The following SDCCAG8 variants were observed in gnomAD, a reference collection of about 807,000 sequenced individuals.
SDCCAG8 encodes the protein serologically defined colon cancer antigen 8.
A neutral mutation model predicts 101.8 loss-of-function variants in SDCCAG8; 74 were observed. The observed-to-expected ratio is 0.73, with a 90% CI of 0.60 to 0.88. The LOEUF is 0.88. SDCCAG8 is among the 40% of genes least tolerant of loss of function. The pLI is 0.00. For synonymous variants in SDCCAG8, 281 were observed against 292.9 expected (o/e 0.96, Z 0.41); for missense variants, 787 against 822.6 (o/e 0.96, Z 0.53).
chr1:243,499,154 C>T (rs3006935), intron 17 of SDCCAG8, among the ~76,000 whole-genome samples: 6,944 of 152,302 alleles, frequency 0.046, 547 homozygotes, highest in African/African-American at 0.16. Context: ...CCAACCTGAT[C>T]TGCATGAAGC....
intron 13 of SDCCAG8, among the ~76,000 whole-genome samples, chr1:243,394,180 A>G (rs754491020): frequency 2.0e-5 from 3 of 152,098 alleles, no homozygotes; most frequent in Non-Finnish European, 4.4e-5. Context: ...ACTTGGCTCA[A>G]TTTATTCATT....
rs375209671 is a variant in SDCCAG8, at chr1:243,381,898, C to T, written c.1616+3035C>T. Among the ~76,000 whole-genome samples, 3 of 152,108 alleles carry T rather than the reference C, an allele frequency of 2.0e-5. No individual in the cohort carries two copies. The East Asian group carries it at 5.8e-4, about 29-fold the overall frequency. ...GCCCATTCTACACCATAGGTGAAGG[C>T]GATAGTCAAAGAAAGCTGATATCAG... is the stretch of plus-strand genomic sequence containing the variant. On this transcript the variant is annotated intron_variant, in intron 13 of 17. Transcript: ENST00000366541.
intron 3 of SDCCAG8, among the ~76,000 whole-genome samples, chr1:243,272,072 A>C (rs767859779): frequency 1.3e-5 from 2 of 152,204 alleles, no homozygotes; most frequent in Non-Finnish European, 2.9e-5. Flanking sequence ...TCAAGGGCTT[A>C]GTTCTATCTA....
At chr1:243,307,081 A>G (rs1340174486) in intron 7 of SDCCAG8, among the ~76,000 whole-genome samples, 1 of 146,518 alleles carries the variant, frequency 6.8e-6, no homozygotes, top group Non-Finnish European at 1.5e-5. Flanking sequence ...TTTTTGAAGT[A>G]CAAAAGAACC....
At chr1:243,334,713 C>T (rs2074875443) in intron 10 of SDCCAG8, among the ~76,000 whole-genome samples, 1 of 152,132 alleles carries the variant, frequency 6.6e-6, no homozygotes, top group East Asian at 1.9e-4. Flanking sequence ...ACCTCAGCTT[C>T]CCAGGTAGCT....
intron 13 of SDCCAG8, among the ~76,000 whole-genome samples, chr1:243,389,869 T>A (rs771888175): frequency 4.6e-5 from 7 of 152,166 alleles, no homozygotes; most frequent in Non-Finnish European, 8.8e-5. Flanking sequence ...ACACTTTTGG[T>A]GTTGTAAAAT....
intron 1 of SDCCAG8, among the ~76,000 whole-genome samples, chr1:243,262,659 A>C (rs1214846986): frequency 6.6e-6 from 1 of 152,226 alleles, no homozygotes; most frequent in Non-Finnish European, 1.5e-5. Flanking sequence ...ATAGGTATAG[A>C]GTAAGTTTTT....
intron 12 of SDCCAG8, among the ~76,000 whole-genome samples, chr1:243,376,057 G>C (rs1256565731): frequency 6.6e-6 from 1 of 152,126 alleles, no homozygotes; most frequent in African/African-American, 2.4e-5. Flanking sequence ...GTTTTATTCA[G>C]TTTTCACCAA....
At chr1:243,294,708 C>CCCA (rs2070691257) in intron 6 of SDCCAG8, among the ~76,000 whole-genome samples, 2 of 138,530 alleles carry the variant, frequency 1.4e-5, no homozygotes, top group South Asian at 4.5e-4. Flanking sequence ...CCCCCCCCCC[C>CCCA]CACAGCTGCC....
At chr1:243,400,967 T>C (rs1356557772) in intron 13 of SDCCAG8, among the ~76,000 whole-genome samples, 1 of 152,196 alleles carries the variant, frequency 6.6e-6, no homozygotes, top group African/African-American at 2.4e-5. Context: ...TAGGAAGAAA[T>C]GGAGCAACTC....
At chr1:243,428,501 A>C (rs1393903373) in intron 16 of SDCCAG8, among the ~76,000 whole-genome samples, 1 of 152,190 alleles carries the variant, frequency 6.6e-6, no homozygotes, top group African/African-American at 2.4e-5. Flanking sequence ...CTTCTCAATA[A>C]ATTTATTGGA....
intron 12 of SDCCAG8, among the ~76,000 whole-genome samples, chr1:243,356,467 G>C (rs2076391073): frequency 6.6e-6 from 1 of 151,804 alleles, no homozygotes; most frequent in Non-Finnish European, 1.5e-5. Flanking sequence ...AAAGACTTTA[G>C]AGGAAGACAT....
Position 243,415,813 on chromosome 1 carries a change from C to T in SDCCAG8, c.1728C>T (p.Ala576=), listed in dbSNP as rs1170843110. The T allele has an allele frequency of 6.2e-7, 1 of 1,613,478 alleles. No homozygotes were observed. The highest frequency in any genetic ancestry group is 2.2e-5 in the East Asian group (1 of 44,862). ...ELTQKIQQME[A]QHDKTENEQY... is the part of the protein sequence containing the mutation. Reference sequence around the variant, plus strand: ...CACAGAAGATACAGCAAATGGAGGCCCAGCATGACAAAACTGGTAGGTGGT... The same window carrying T: ...CACAGAAGATACAGCAAATGGAGGCTCAGCATGACAAAACTGGTAGGTGGT... Residue 576 remains alanine, a synonymous_variant, in exon 14 of 18, where the codon GCC becomes GCT. Transcript: ENST00000366541.
At chr1:243,487,391 A>G (rs558716177) in intron 16 of SDCCAG8, among the ~76,000 whole-genome samples, 1 of 152,376 alleles carries the variant, frequency 6.6e-6, no homozygotes, top group South Asian at 2.1e-4. Flanking sequence ...GAGGCTTCCC[A>G]GAGCAGCGAT....
chr1:243,499,330 G>A (rs1364643057), intron 17 of SDCCAG8, among the ~76,000 whole-genome samples: 1 of 152,120 alleles, frequency 6.6e-6, no homozygotes, highest in Non-Finnish European at 1.5e-5. Context: ...GTTTCACGAG[G>A]AATTTCTTAG....
At chr1:243,454,632 T>G (rs1440945455) in intron 16 of SDCCAG8, among the ~76,000 whole-genome samples, 1 of 152,146 alleles carries the variant, frequency 6.6e-6, no homozygotes, top group East Asian at 1.9e-4. Context: ...ATATTGTGGT[T>G]AATAATAATA....
chr1:243,270,387 A>G, intron 2 of SDCCAG8, 130 bp downstream of exon 2: 1 of 986,454 alleles, frequency 1.0e-6, no homozygotes, highest in Non-Finnish European at 1.6e-6. Context: ...CAGATAATTT[A>G]ATTCCCTCGC....
At chr1:243,461,577 G>A (rs1659115185) in intron 16 of SDCCAG8, among the ~76,000 whole-genome samples, 1 of 152,152 alleles carries the variant, frequency 6.6e-6, no homozygotes, top group African/African-American at 2.4e-5. Context: ...GCACTGATGA[G>A]AGATGTTTTC....
intron 12 of SDCCAG8, among the ~76,000 whole-genome samples, chr1:243,354,656 A>G (rs1365938680): frequency 6.6e-6 from 1 of 152,210 alleles, no homozygotes; most frequent in Non-Finnish European, 1.5e-5. Context: ...ATGATCAGGA[A>G]TACATTGGTG....
Sources: gnomAD v4.1 joint callset for allele counts (sites outside exome capture counted in the v4.1 genomes callset) on GRCh38, gnomAD v4.1.1 for gene constraint, MANE v1.5 for transcripts, NCBI Gene and HGNC (gene_info 2026-07-23, HGNC 2026-07-21) for gene names.